Variants in HSD11B1 observed in about 807,000 individuals in gnomAD.
HSD11B1 encodes 11-beta-hydroxysteroid dehydrogenase 1.
A neutral mutation model predicts 22.1 loss-of-function variants in HSD11B1; 15 were observed. The observed-to-expected ratio is 0.68, with a 90% CI of 0.45 to 1.04. HSD11B1 has a LOEUF of 1.04. HSD11B1 is among the 50% of genes least tolerant of loss of function. The pLI is 0.00. For synonymous variants in HSD11B1, 122 were observed against 125.2 expected, an observed-to-expected ratio of 0.97 and a Z score of 0.17; for missense variants, 281 against 357.6, an observed-to-expected ratio of 0.79 and a Z score of 1.73.
chr1:209,715,795 T>TA (rs2076926198), intron 4 of HSD11B1, among the ~76,000 whole-genome samples: 1 of 152,206 alleles, frequency 6.6e-6, no homozygotes, highest in Non-Finnish European at 1.5e-5. Context: ...TTGGTAACCA[T>TA]AATTGTAATA....
At chr1:209,723,040 G>T (rs1458966792) in intron 4 of HSD11B1, among the ~76,000 whole-genome samples, 2 of 152,272 alleles carry the variant, frequency 1.3e-5, no homozygotes, top group East Asian at 3.9e-4. Context: ...CAGTGGCTGA[G>T]TCCCCGCATT....
upstream of HSD11B1, among the ~76,000 whole-genome samples, chr1:209,700,905 C>T (rs553004383): frequency 5.3e-4 from 80 of 152,344 alleles, no homozygotes; most frequent in African/African-American, 1.8e-3. Context: ...TACCTCTGCT[C>T]CAGTTCCCAA....
At chr1:209,703,511 A>C (rs1297320283), upstream of HSD11B1, among the ~76,000 whole-genome samples, 1 of 152,100 alleles carries the variant, frequency 6.6e-6, no homozygotes, top group Non-Finnish European at 1.5e-5. Context: ...TCTAGCCCTC[A>C]ACTGTTCTCA....
At chr1:209,692,284 C>T (rs1318674074) in intron 1 of HSD11B1, among the ~76,000 whole-genome samples, 1 of 152,002 alleles carries the variant, frequency 6.6e-6, no homozygotes, top group Non-Finnish European at 1.5e-5. Flanking sequence ...TCAAAGAAAA[C>T]CAGAGCTAGA....
At chr1:209,730,578 A>G (rs2077029541) in intron 4 of HSD11B1, among the ~76,000 whole-genome samples, 1 of 152,204 alleles carries the variant, frequency 6.6e-6, no homozygotes, top group South Asian at 2.1e-4. Flanking sequence ...GCTGTCCTGA[A>G]CAAAATCAGA....
intron 4 of HSD11B1, among the ~76,000 whole-genome samples, chr1:209,732,007 AG>A (rs2077038670): frequency 6.6e-6 from 1 of 152,172 alleles, no homozygotes; most frequent in African/African-American, 2.4e-5. Context: ...ACACCTGGCC[AG>A]GACAGGCAGT....
At position 209,714,977 on chromosome 1, in the gene HSD11B1, G is replaced by A. The variant is rs115065725; in HGVS notation, c.517+7849G>A. On this transcript the variant is annotated intron_variant, in intron 4 of 5. Transcript: ENST00000367027. ...CTGGCACAGGGCATCAGAACTAAGGGGAGTGATGAGAGCATCTGCAAGAGG... is the reference window on the plus strand; with the variant it reads ...CTGGCACAGGGCATCAGAACTAAGGAGAGTGATGAGAGCATCTGCAAGAGG... Among the ~76,000 whole-genome samples the A allele has an allele frequency of 2.6e-3, 402 of 152,244 alleles. 1 individual carries two copies. Among genetic ancestry groups the A allele is most frequent in the African/African-American group, 9.2e-3 (381 of 41,560 alleles).
intron 1 of HSD11B1, 51 bp downstream of exon 1, chr1:209,705,081 G>A (rs371218817): frequency 1.1e-5 from 15 of 1,406,458 alleles, no homozygotes; most frequent in African/African-American, 1.4e-5. Flanking sequence ...AAAACACAGG[G>A]GTGCTTGAGT....
intron 4 of HSD11B1, among the ~76,000 whole-genome samples, chr1:209,719,019 C>CAAAAAAAAAAA (rs56342028): frequency 0.18 from 6,252 of 35,372 alleles, 1,587 homozygotes; most frequent in African/African-American, 0.29. Flanking sequence ...GACTCCATCT[C>CAAAAAAAAAAA]AAAAAAAAAA....
intron 1 of HSD11B1, among the ~76,000 whole-genome samples, chr1:209,694,774 G>A (rs1311068491): frequency 6.6e-6 from 1 of 152,176 alleles, no homozygotes; most frequent in African/African-American, 2.4e-5. Flanking sequence ...TGCTTTATAC[G>A]TTATTCATGT....
chr1:209,688,606 A>T (rs981927717), intron 1 of HSD11B1, among the ~76,000 whole-genome samples: 2 of 152,202 alleles, frequency 1.3e-5, no homozygotes, highest in African/African-American at 4.8e-5. Flanking sequence ...TGCAATAAAA[A>T]GTCTTGTTTC....
upstream of HSD11B1, among the ~76,000 whole-genome samples, chr1:209,700,734 G>T (rs990097505): frequency 3.3e-5 from 5 of 152,106 alleles, no homozygotes; most frequent in African/African-American, 1.2e-4. Flanking sequence ...CTTTTAACAT[G>T]GAATGCTTTT....
Position 209,706,016 on chromosome 1 carries a change from C to T in HSD11B1, c.219+75C>T. 6.4e-7 allele frequency: 1 copy of T among 1,567,282 alleles called. No individual in the cohort carries two copies. Among genetic ancestry groups the T allele is most frequent in the Non-Finnish European group, 8.8e-7 (1 of 1,139,302 alleles). ...GTTCTTATATATGCTCACATATACACAGAAGCTAGCATATCGCAGATCTAT... is the reference window on the plus strand; with the variant it reads ...GTTCTTATATATGCTCACATATACATAGAAGCTAGCATATCGCAGATCTAT... On this transcript the variant is annotated intron_variant, in intron 2 of 5. Coordinates refer to ENST00000367027, the MANE Select transcript of HSD11B1 (RefSeq NM_005525.4). This position sits in a 1 kb window ranked among gnomAD's most constrained non-coding sequence, Gnocchi z 4.0.
At chr1:209,708,455 C>T (rs534451439) in intron 4 of HSD11B1, among the ~76,000 whole-genome samples, 1 of 152,306 alleles carries the variant, frequency 6.6e-6, no homozygotes, top group Non-Finnish European at 1.5e-5. Context: ...CTGTGCTACC[C>T]GCCAAACAGT....
At chr1:209,691,724 CTA>C (rs2076760685) in intron 1 of HSD11B1, among the ~76,000 whole-genome samples, 1 of 152,046 alleles carries the variant, frequency 6.6e-6, no homozygotes, top group Admixed American at 6.5e-5. Context: ...AATACAAACA[CTA>C]TTGATTTAAT....
chr1:209,709,189 A>C (rs1386341960), intron 4 of HSD11B1, among the ~76,000 whole-genome samples: 6 of 152,172 alleles, frequency 3.9e-5, no homozygotes, highest in Admixed American at 3.9e-4. Flanking sequence ...GAATACCTTA[A>C]GTTGTTTATT....
At position 209,719,019 on chromosome 1, in the gene HSD11B1, C is replaced by CAAAAA. The variant is rs56342028; in HGVS notation, c.517+11904_517+11908dup. 1.7e-3 allele frequency among the ~76,000 whole-genome samples: 61 copies of CAAAAA among 35,702 alleles called. 6 individuals carry two copies. The highest frequency in any genetic ancestry group is 1.9e-3 in the Non-Finnish European group (41 of 21,902). 23.4% of individuals were successfully genotyped at this position (35,702 alleles called of 152,430 possible). ...TGGGTGACACAGTGAGACTCCATCTCAAAAAAAAAAAAAAAAAGGAAAGAA... is the reference window on the plus strand; with the variant it reads ...TGGGTGACACAGTGAGACTCCATCTCAAAAAAAAAAAAAAAAAAAAAAGGAAAGAA... On this transcript the variant is annotated intron_variant, in intron 4 of 5. Coordinates refer to ENST00000367027, the MANE Select transcript of HSD11B1 (RefSeq NM_005525.4).
At chr1:209,699,106 C>G (rs1384703000) in intron 1 of HSD11B1, among the ~76,000 whole-genome samples, 1 of 151,804 alleles carries the variant, frequency 6.6e-6, no homozygotes, top group African/African-American at 2.4e-5. Flanking sequence ...GGGAGGAGAA[C>G]AGGAGGAAGG....
intron 4 of HSD11B1, among the ~76,000 whole-genome samples, chr1:209,718,853 C>G (rs1010522879): frequency 1.3e-5 from 2 of 151,472 alleles, no homozygotes; most frequent in African/African-American, 4.9e-5. Context: ...AACCCTGTCT[C>G]TACTAAAAAT....
Sources: allele counts gnomAD v4.1 joint callset (sites outside exome capture counted in the v4.1 genomes callset), GRCh38; gene constraint gnomAD v4.1.1; non-coding constraint Gnocchi (gnomAD v3.1); transcripts MANE v1.5; gene names NCBI Gene and HGNC (gene_info 2026-07-23, HGNC 2026-07-21).